Variants in AGBL4 observed in about 807,000 individuals in gnomAD.
AGBL4 encodes the protein AGBL carboxypeptidase 4, also known as cytosolic carboxypeptidase 6.
A neutral mutation model predicts 66.4 loss-of-function variants in AGBL4; 58 were observed. That is an observed-to-expected ratio of 0.87 (90% confidence interval 0.71 to 1.09). The LOEUF (loss-of-function observed/expected upper bound fraction) is 1.09, where lower values mean the gene tolerates loss of function less well. AGBL4 is among the 50% of genes least tolerant of loss of function. The pLI, the probability that AGBL4 is intolerant of heterozygous loss-of-function variation, is 0.00. For missense variants in AGBL4, 579 were observed against 631.0 expected (o/e 0.92, Z 0.88); for synonymous variants, 234 against 222.9 (o/e 1.05, Z -0.44).
chr1:49,498,073 A>G (rs1647774116), intron 3 of AGBL4, among the ~76,000 whole-genome samples: 3 of 151,874 alleles, frequency 2.0e-5, no homozygotes, highest in Admixed American at 1.3e-4. Context: ...TTCAGTGTAC[A>G]GGCCTTTCAT....
chr1:49,748,326 T>G (rs61783637), intron 2 of AGBL4, among the ~76,000 whole-genome samples: 6 of 152,190 alleles, frequency 3.9e-5, no homozygotes, highest in African/African-American at 1.4e-4. Context: ...CCATGTCCCT[T>G]CAAAGGACAT....
intron 9 of AGBL4, among the ~76,000 whole-genome samples, chr1:48,611,517 C>A (rs986237376): frequency 2.0e-5 from 3 of 152,194 alleles, no homozygotes; most frequent in African/African-American, 7.2e-5. Flanking sequence ...GTGGTGAGAA[C>A]TGAGTTAATA....
chr1:49,758,575 TA>T (rs1652069015), intron 2 of AGBL4, among the ~76,000 whole-genome samples: 2 of 152,146 alleles, frequency 1.3e-5, no homozygotes, highest in Admixed American at 6.5e-5. Context: ...TTGGGAGCTT[TA>T]AGATTTAATG....
At chr1:49,615,626 A>G (rs1239499566) in intron 3 of AGBL4, among the ~76,000 whole-genome samples, 1 of 152,120 alleles carries the variant, frequency 6.6e-6, no homozygotes, top group Admixed American at 6.6e-5. Context: ...ACCAAAGCAA[A>G]TATACTGAGA....
intron 5 of AGBL4, among the ~76,000 whole-genome samples, chr1:48,924,002 C>T (rs919046498): frequency 6.6e-6 from 1 of 152,118 alleles, no homozygotes; most frequent in Non-Finnish European, 1.5e-5. Flanking sequence ...CCTACTGATA[C>T]AAACACTGCC....
intron 3 of AGBL4, among the ~76,000 whole-genome samples, chr1:49,353,320 G>T (rs984324305): frequency 6.6e-6 from 1 of 152,098 alleles, no homozygotes; most frequent in Non-Finnish European, 1.5e-5. Flanking sequence ...ACTTTTGCGG[G>T]TTCCTCAATA....
intron 3 of AGBL4, among the ~76,000 whole-genome samples, chr1:49,505,266 C>T (rs547856735): frequency 6.6e-6 from 1 of 151,948 alleles, no homozygotes; most frequent in African/African-American, 2.4e-5. Context: ...GACTTAGAAA[C>T]CACTATTACA....
chr1:49,745,798 A>G (rs958198128), intron 2 of AGBL4, among the ~76,000 whole-genome samples: 1 of 151,950 alleles, frequency 6.6e-6, no homozygotes, highest in African/African-American at 2.4e-5. Context: ...TTGAGACTTC[A>G]ATATGTTGCC....
At chr1:49,923,383 A>T (rs1470672378) in intron 1 of AGBL4, among the ~76,000 whole-genome samples, 1 of 152,222 alleles carries the variant, frequency 6.6e-6, no homozygotes, top group Non-Finnish European at 1.5e-5. Flanking sequence ...AACCTAGGAA[A>T]TACCATTTTA....
chr1:48,751,137 C>T (rs1375717766), intron 6 of AGBL4, among the ~76,000 whole-genome samples: 1 of 152,174 alleles, frequency 6.6e-6, no homozygotes, highest in Non-Finnish European at 1.5e-5. Context: ...AAAGGCTGAA[C>T]TGGGTTCTCT....
chr1:49,473,556 A>G (rs1416904408), intron 3 of AGBL4, among the ~76,000 whole-genome samples: 1 of 151,990 alleles, frequency 6.6e-6, no homozygotes, highest in Non-Finnish European at 1.5e-5. Context: ...TCAGTTTGCA[A>G]ATAAAATTTT....
intron 3 of AGBL4, among the ~76,000 whole-genome samples, chr1:49,460,425 A>G (rs982298189): frequency 3.3e-5 from 5 of 151,544 alleles, no homozygotes; most frequent in African/African-American, 1.2e-4. Flanking sequence ...CACATTTGGT[A>G]TCCATTTACA....
At chr1:49,834,467 C>T (rs1439321171) in intron 2 of AGBL4, among the ~76,000 whole-genome samples, 1 of 152,046 alleles carries the variant, frequency 6.6e-6, no homozygotes, top group East Asian at 1.9e-4. Flanking sequence ...TTTGATTCGT[C>T]TTGCTTTTCT....
At chr1:48,663,379 T>A in intron 6 of AGBL4, 138 bp from the exon 7 acceptor site, 1 of 743,578 alleles carries the variant, frequency 1.3e-6, no homozygotes, top group African/African-American at 1.7e-5. Context: ...TTAGAATCAT[T>A]AAGGTCCAGC....
At chr1:49,113,487 A>T (rs971940397) in intron 4 of AGBL4, among the ~76,000 whole-genome samples, 1 of 151,974 alleles carries the variant, frequency 6.6e-6, no homozygotes, top group African/African-American at 2.4e-5. Flanking sequence ...ACTTGACCTC[A>T]GTTGATCCAC....
At chr1:49,051,011 AC>A (rs1410231579) in intron 4 of AGBL4, among the ~76,000 whole-genome samples, 1 of 152,034 alleles carries the variant, frequency 6.6e-6, no homozygotes, top group Non-Finnish European at 1.5e-5. Flanking sequence ...GAAGTCCCAG[AC>A]CTAATGCAGT....
At chr1:48,717,548 A>G (rs865911028) in intron 6 of AGBL4, among the ~76,000 whole-genome samples, 1 of 152,184 alleles carries the variant, frequency 6.6e-6, no homozygotes, top group South Asian at 2.1e-4. Context: ...GCGTGCATGC[A>G]GGTAATTTTC....
chr1:49,287,708 G>T (rs1455647494), intron 3 of AGBL4, among the ~76,000 whole-genome samples: 1 of 151,444 alleles, frequency 6.6e-6, no homozygotes, highest in Non-Finnish European at 1.5e-5. Context: ...AAAAAGTCAG[G>T]AAACAACAGG....
In AGBL4 at chr1:48,640,175, A is replaced by G. The variant is rs576661762; in HGVS notation, c.840-5571T>C. 2.0e-5 allele frequency among the ~76,000 whole-genome samples: 3 copies of G among 152,336 alleles called. 1 individual carries two copies. Among genetic ancestry groups the G allele is most frequent in the East Asian group, 3.9e-4 (2 of 5,182 alleles). ...GCACCAGTGGGAAAGAATCTTTCAC[A>G]TTAGGACCATTCTAGAAAATGCAAA... On this transcript the variant is annotated intron_variant, in intron 8 of 13. Transcript: ENST00000371839.
Sources: gnomAD v4.1 joint callset for allele counts (sites outside exome capture counted in the v4.1 genomes callset) on GRCh38, gnomAD v4.1.1 for gene constraint, MANE v1.5 for transcripts, NCBI Gene and HGNC (gene_info 2026-07-23, HGNC 2026-07-21) for gene names.